AUNIP: variants seen among roughly 807,000 people sequenced by gnomAD.
The protein encoded by AUNIP is aurora kinase A and ninein interacting protein.
In AUNIP, 16 loss-of-function variants were observed where a neutral mutation model predicts 12.2. The observed-to-expected ratio is 1.31, with a 90% CI of 0.88 to 1.99. The LOEUF (loss-of-function observed/expected upper bound fraction) is 1.99. Ranked by LOEUF, AUNIP falls within the 30% of genes most tolerant of loss-of-function variation. The pLI, the probability that AUNIP is intolerant of heterozygous loss-of-function variation, is 0.00. For synonymous variants in AUNIP, 142 were observed against 154.8 expected (o/e 0.92, Z 0.61); for missense variants, 411 against 419.1 (o/e 0.98, Z 0.17).
intron 1 of AUNIP, among the ~76,000 whole-genome samples, chr1:25,855,034 G>A (rs1268047719): frequency 1.4e-5 from 2 of 140,330 alleles, no homozygotes; most frequent in African/African-American, 5.5e-5. Flanking sequence ...TTGGCTCACT[G>A]CAACCTCCAC....
intron 1 of AUNIP, among the ~76,000 whole-genome samples, chr1:25,857,924 C>T (rs950459924): frequency 6.6e-6 from 1 of 151,944 alleles, no homozygotes; most frequent in African/African-American, 2.4e-5. Flanking sequence ...TCCCAGCACT[C>T]TGGGAGGCTG....
Position 25,835,221 on chromosome 1 carries a change from G to A in AUNIP, c.846C>T (p.Asp282=), listed in dbSNP as rs1471657856. 6.2e-7 allele frequency: 1 copy of A among 1,614,178 alleles called. No individual in the cohort carries two copies. Among genetic ancestry groups the A allele is most frequent in the South Asian group, 1.1e-5 (1 of 91,084 alleles). Residue 282 remains aspartate, a synonymous_variant, in exon 3 of 3, where the codon GAC becomes GAT. Coordinates refer to ENST00000374298, the MANE Select transcript of AUNIP (RefSeq NM_024037.3). ...FSWDNEKNDK[D]SWSQLFTEDS... ...CTTCAGTGAAAAGTTGACTCCAGGAGTCCTTGTCATTCTTTTCATTGTCCC... is the reference window on the plus strand; with the variant it reads ...CTTCAGTGAAAAGTTGACTCCAGGAATCCTTGTCATTCTTTTCATTGTCCC...
At chr1:25,858,250 C>G (rs189110094) in intron 1 of AUNIP, among the ~76,000 whole-genome samples, 1 of 152,300 alleles carries the variant, frequency 6.6e-6, no homozygotes, top group Non-Finnish European at 1.5e-5. Flanking sequence ...ATCTACTTTA[C>G]TGAATTTTGG....
At chr1:25,842,049 G>A (rs1294058679) in intron 1 of AUNIP, among the ~76,000 whole-genome samples, 1 of 152,146 alleles carries the variant, frequency 6.6e-6, no homozygotes, top group Non-Finnish European at 1.5e-5. Flanking sequence ...GAAAGGAGAA[G>A]TCATAGGTCT....
intron 1 of AUNIP, among the ~76,000 whole-genome samples, chr1:25,843,720 A>G (rs2048362557): frequency 6.6e-6 from 1 of 151,692 alleles, no homozygotes. Flanking sequence ...AGTATTTAAG[A>G]GTTCAGTGAA....
At chr1:25,846,416 CAAAAAAAA>C (rs57719994) in intron 1 of AUNIP, among the ~76,000 whole-genome samples, 9 of 29,832 alleles carry the variant, frequency 3.0e-4, no homozygotes, top group African/African-American at 1.4e-3. Flanking sequence ...GACTCCATCT[CAAAAAAAA>C]AAAAAAAAAA....
rs1429287279 is a variant in AUNIP, at chr1:25,834,302, A to T, written c.*691T>A. The T allele has an allele frequency of 2.0e-6, 2 of 985,252 alleles. No individual in the cohort carries two copies. The highest frequency in any genetic ancestry group is 3.5e-5 in the African/African-American group (2 of 57,182). 61.0% of individuals were successfully genotyped at this position (985,252 alleles called of 1,614,324 possible). On this transcript the variant is annotated 3_prime_UTR_variant, in exon 3 of 3. Coordinates refer to ENST00000374298, the MANE Select transcript of AUNIP (RefSeq NM_024037.3). ...CCCAAGCTTAGGCTGATGTGGGTTA[A>T]GATCAGCCAGAGATTAAAAGCTCAC...
intron 1 of AUNIP, among the ~76,000 whole-genome samples, chr1:25,839,875 CAAGCTGGTCTCG>C (rs935987629): frequency 1.3e-5 from 2 of 152,110 alleles, no homozygotes; most frequent in Non-Finnish European, 2.9e-5. Flanking sequence ...CCATGTTGGC[CAAGCTGGTCTCG>C]AACTCCTGAC....
At chr1:25,845,601 TATC>T (rs2124505872) in intron 1 of AUNIP, among the ~76,000 whole-genome samples, 1 of 152,348 alleles carries the variant, frequency 6.6e-6, no homozygotes, top group South Asian at 2.1e-4. Context: ...TCTGAAAACT[TATC>T]ATCCTACAAA....
At chr1:25,837,248 T>G (rs1448117277) in intron 2 of AUNIP, among the ~76,000 whole-genome samples, 165 bp downstream of exon 2, 2 of 152,252 alleles carry the variant, frequency 1.3e-5, no homozygotes, top group Non-Finnish European at 2.9e-5. Flanking sequence ...ACACATATAT[T>G]GCTTTTCAAA....
rs367828903 is a variant in AUNIP at position 25,859,373 on chromosome 1, G to T, written c.-16C>A. ...TCCGCCTCATGGCCGCTGAGGAGAC[G>T]AAGCCGGCAGGACGCCGGCGCAGGC... On this transcript the variant is annotated 5_prime_UTR_variant, in exon 1 of 3. Transcript: ENST00000374298. 20 of 1,506,360 alleles carry T rather than the reference G, an allele frequency of 1.3e-5. No homozygotes were observed. Among genetic ancestry groups the T allele is most frequent in the South Asian group, 1.1e-4 (9 of 80,032 alleles). 93.3% of individuals were successfully genotyped at this position (1,506,360 alleles called of 1,614,324 possible).
In AUNIP at chr1:25,859,295, C is replaced by T; in HGVS notation, c.63G>A (p.Lys21=). ...CGVWLDAAAL[K]RRKVQTHLIK... Reference sequence around the variant, plus strand: ...AGCGTCCCACCTGCACTTTCCGCCTCTTCAGCGCCGCCGCGTCCAGCCACA... The same window carrying T: ...AGCGTCCCACCTGCACTTTCCGCCTTTTCAGCGCCGCCGCGTCCAGCCACA... Residue 21 remains lysine (K), a synonymous_variant, in exon 1 of 3, where the codon AAG becomes AAA. Transcript: ENST00000374298. 1 of 1,577,356 alleles carries T rather than the reference C, an allele frequency of 6.3e-7. No homozygotes were observed. The highest frequency in any genetic ancestry group is 1.4e-5 in the African/African-American group (1 of 73,894).
chr1:25,857,305 G>T (rs143615654), intron 1 of AUNIP, among the ~76,000 whole-genome samples: 1,729 of 148,660 alleles, frequency 0.012, 36 homozygotes, highest in African/African-American at 0.04. Flanking sequence ...GAGTGCAGTG[G>T]CACGATCTCG....
intron 1 of AUNIP, among the ~76,000 whole-genome samples, chr1:25,844,761 C>T (rs1166964544): frequency 2.0e-5 from 3 of 152,160 alleles, no homozygotes; most frequent in Non-Finnish European, 4.4e-5. Context: ...CACACTCCTT[C>T]TTCCTTTATG....
At chr1:25,849,336 T>C (rs1232711008) in intron 1 of AUNIP, among the ~76,000 whole-genome samples, 1 of 152,246 alleles carries the variant, frequency 6.6e-6, no homozygotes, top group Non-Finnish European at 1.5e-5. Context: ...TGAAGTTGTG[T>C]AATTATCACC....
intron 1 of AUNIP, among the ~76,000 whole-genome samples, chr1:25,853,771 T>G (rs766996596): frequency 1.4e-4 from 22 of 152,290 alleles, no homozygotes; most frequent in Non-Finnish European, 2.6e-4. Flanking sequence ...ACTTCCAAGA[T>G]AGCTCACTAA....
chr1:25,858,040 G>A (rs1431434611), intron 1 of AUNIP, among the ~76,000 whole-genome samples: 2 of 152,088 alleles, frequency 1.3e-5, no homozygotes, highest in African/African-American at 4.8e-5. Context: ...GGTGGTGGCC[G>A]CCTGTAGTCC....
intron 1 of AUNIP, among the ~76,000 whole-genome samples, chr1:25,846,416 C>CAAAAAAAAAA (rs57719994): frequency 1.3e-4 from 4 of 29,844 alleles, no homozygotes; most frequent in African/African-American, 6.1e-4. Context: ...GACTCCATCT[C>CAAAAAAAAAA]AAAAAAAAAA....
At chr1:25,846,035 G>A (rs1199731339) in intron 1 of AUNIP, among the ~76,000 whole-genome samples, 3 of 152,138 alleles carry the variant, frequency 2.0e-5, no homozygotes, top group Non-Finnish European at 4.4e-5. Context: ...AAAATTCAAC[G>A]GGGAAAGGAG....
Sources: gnomAD v4.1 joint callset for allele counts (sites outside exome capture counted in the v4.1 genomes callset) on GRCh38, gnomAD v4.1.1 for gene constraint, MANE v1.5 for transcripts, NCBI Gene and HGNC (gene_info 2026-07-23, HGNC 2026-07-21) for gene names.